Variants in KCNAB2 observed in about 807,000 individuals in gnomAD.
KCNAB2 encodes the protein potassium voltage-gated channel subfamily A regulatory beta subunit 2.
KCNAB2 carries 29 observed loss-of-function variants against 63.6 expected under a neutral mutation model. That is an observed-to-expected ratio of 0.46 (90% CI 0.34 to 0.62). The LOEUF is 0.62. KCNAB2 is among the 20% of genes least tolerant of loss of function. The probability of loss-of-function intolerance (pLI) is 0.01; values close to 1 mark genes in which losing one functional copy is unlikely to be tolerated. For synonymous variants in KCNAB2, 222 were observed against 224.2 expected, an observed-to-expected ratio of 0.99 and a Z score of 0.09; for missense variants, 359 against 563.9, an observed-to-expected ratio of 0.64 and a Z score of 3.68.
chr1:6,000,994 G>A (rs1290484002), intron 1 of KCNAB2, among the ~76,000 whole-genome samples: 1 of 152,218 alleles, frequency 6.6e-6, no homozygotes, highest in African/African-American at 2.4e-5. Flanking sequence ...CGTCAGGAAA[G>A]GGGGAAGCAC....
intron 4 of KCNAB2, 118 bp from the exon 5 acceptor site, chr1:6,082,077 C>T (rs1664256697): frequency 6.4e-6 from 5 of 785,602 alleles, no homozygotes; most frequent in African/African-American, 3.4e-5. Flanking sequence ...GGGAGCCTGT[C>T]GGGCCCGGGA....
intron 4 of KCNAB2, among the ~76,000 whole-genome samples, chr1:6,075,621 G>A (rs569455645): frequency 1.2e-4 from 18 of 152,332 alleles, no homozygotes; most frequent in Non-Finnish European, 2.2e-4. Context: ...GCCTGGCTGC[G>A]GTTCAGATGA....
chr1:6,046,876 A>G (rs1293383866), intron 1 of KCNAB2, among the ~76,000 whole-genome samples: 1 of 152,220 alleles, frequency 6.6e-6, no homozygotes, highest in African/African-American at 2.4e-5. Flanking sequence ...AGAACAATTC[A>G]GAAATTCCAG....
At chr1:6,037,692 A>C (rs1181760846) in intron 1 of KCNAB2, among the ~76,000 whole-genome samples, 3 of 152,080 alleles carry the variant, frequency 2.0e-5, no homozygotes, top group Admixed American at 2.0e-4. Flanking sequence ...CCTGCCTCTG[A>C]GTCATCTAAG....
intron 1 of KCNAB2, chr1:6,027,219 AGTGTGTGTGTGTGTGTGT>A (rs70981306): frequency 0.33 from 46,456 of 141,306 alleles, 7,911 homozygotes; most frequent in East Asian, 0.48. Context: ...TGGGGGACAC[AGTGTGTGTGTGTGTGTGT>A]GTGTGTGTGT....
intron 2 of KCNAB2, 131 bp from the exon 3 acceptor site, chr1:6,072,624 T>A: frequency 1.0e-6 from 1 of 959,938 alleles, no homozygotes; most frequent in South Asian, 1.5e-5. Flanking sequence ...AGGTCCCCGG[T>A]GCCTTTCGGA....
chr1:6,087,774 G>C lies in KCNAB2; in HGVS notation c.470+263G>C, dbSNP rs1664828676. 6.6e-6 allele frequency among the ~76,000 whole-genome samples: 1 copy of C among 152,230 alleles called. No individual in the cohort carries two copies. The highest frequency in any genetic ancestry group is 1.5e-5 in the Non-Finnish European group (1 of 68,044). On this transcript the variant is annotated intron_variant, in intron 7 of 15. Transcript: ENST00000378083. This position sits in a 1 kb window ranked among gnomAD's most constrained non-coding sequence, Gnocchi z 6.4. Reference sequence around the variant, plus strand: ...AAGGGACGTCAAATCCAGAAAAGAAGCTGTGGCCGAGTTTGCCTTTTACAA... The same window carrying C: ...AAGGGACGTCAAATCCAGAAAAGAACCTGTGGCCGAGTTTGCCTTTTACAA...
Position 6,071,810 on chromosome 1 carries a change from G to A in KCNAB2, c.219-945G>A, listed in dbSNP as rs994135102. On this transcript the variant is annotated intron_variant, in intron 2 of 15. Coordinates refer to ENST00000378083, the MANE Select transcript of KCNAB2 (RefSeq NM_001199862.2). This position sits in a 1 kb window ranked among gnomAD's most constrained non-coding sequence, Gnocchi z 8.5. ...CCTGCCACATAGGGCACCTCCTGCC[G>A]CGAGGGCACCTCCTGCCGCATAGGG... Among the ~76,000 whole-genome samples, 9 of 148,794 alleles carry A rather than the reference G, an allele frequency of 6.0e-5. No homozygotes were observed. The highest frequency in any genetic ancestry group is 6.0e-4 in the East Asian group (3 of 5,008).
chr1:6,055,882 G>C (rs1661780795), intron 2 of KCNAB2, among the ~76,000 whole-genome samples: 1 of 152,136 alleles, frequency 6.6e-6, no homozygotes, highest in African/African-American at 2.4e-5. Context: ...GACTGGGCTG[G>C]GTCACCATTA....
At chr1:6,072,880 G>A in intron 3 of KCNAB2, 82 bp downstream of exon 3, 1 of 1,407,430 alleles carries the variant, frequency 7.1e-7, no homozygotes, top group Non-Finnish European at 9.9e-7. Context: ...ACACCCCTTG[G>A]GAGGCAGGGT....
At chr1:6,095,915 C>T (rs1665593100) in intron 13 of KCNAB2, among the ~76,000 whole-genome samples, 1 of 140,184 alleles carries the variant, frequency 7.1e-6, no homozygotes, top group Non-Finnish European at 1.6e-5. Flanking sequence ...CTACCACATC[C>T]CCCACCTCTG....
In KCNAB2 at chr1:6,003,347, G is replaced by T. The variant is rs1246802607; in HGVS notation, c.-53+10559G>T. ...TCCTCCCCACCAGAGCAGGGTCATG[G>T]GGTCAGAGGCAGGGTCCGTGTGGTG... On this transcript the variant is annotated intron_variant, in intron 1 of 16. Coordinates refer to the KCNAB2 transcript ENST00000341524. This position sits in a 1 kb window ranked among gnomAD's most constrained non-coding sequence, Gnocchi z 4.1. Among the ~76,000 whole-genome samples, 2 of 152,152 alleles carry T rather than the reference G, an allele frequency of 1.3e-5. No individual in the cohort carries two copies. The highest frequency in any genetic ancestry group is 2.9e-5 in the Non-Finnish European group (2 of 68,016).
chr1:6,068,996 C>T (rs368285363), intron 2 of KCNAB2, among the ~76,000 whole-genome samples: 2 of 152,160 alleles, frequency 1.3e-5, no homozygotes, highest in African/African-American at 2.4e-5. Context: ...CACTTGGTCC[C>T]GAGAGTCTGA....
chr1:6,024,259 A>G lies in KCNAB2; in HGVS notation c.-52-16258A>G, dbSNP rs1042927196. On this transcript the variant is annotated intron_variant, in intron 1 of 16. Coordinates refer to the KCNAB2 transcript ENST00000341524. This position sits in a 1 kb window ranked among gnomAD's most constrained non-coding sequence, Gnocchi z 5.4. ...GCCCAGCTGCCAGGCTAATTTTTAA[A>G]TTTTTTGTTAGAGATTGGGTCTCAC... 1.3e-5 allele frequency among the ~76,000 whole-genome samples: 2 copies of G among 151,700 alleles called. No homozygotes were observed. The highest frequency in any genetic ancestry group is 4.8e-5 in the African/African-American group (2 of 41,262).
chr1:6,042,848 C>CCA (rs1553122360), upstream of KCNAB2, among the ~76,000 whole-genome samples: 2 of 106,898 alleles, frequency 1.9e-5, no homozygotes, highest in Admixed American at 9.4e-5. Flanking sequence ...TCCCCACCCC[C>CCA]CCCCCCGTTT....
intron 2 of KCNAB2, among the ~76,000 whole-genome samples, chr1:6,060,169 GAGA>G (rs1055443921): frequency 1.3e-5 from 2 of 152,198 alleles, no homozygotes; most frequent in African/African-American, 4.8e-5. Context: ...CTGCTCTCAG[GAGA>G]AGGACACTCC....
At chr1:6,084,625 G>C (rs374571003) in intron 5 of KCNAB2, among the ~76,000 whole-genome samples, 3 of 152,264 alleles carry the variant, frequency 2.0e-5, no homozygotes, top group South Asian at 4.2e-4. Context: ...AGACCAGCCT[G>C]GCCAACATAG....
intron 1 of KCNAB2, among the ~76,000 whole-genome samples, chr1:6,015,016 CTTTTTTTTTTT>C (rs34742623): frequency 7.2e-4 from 60 of 82,812 alleles, no homozygotes; most frequent in African/African-American, 2.3e-3. Context: ...GGTCACCTTC[CTTTTTTTTTTT>C]TTTTTTTTTT....
At chr1:6,079,320 G>C (rs1394326273) in intron 4 of KCNAB2, among the ~76,000 whole-genome samples, 1 of 152,186 alleles carries the variant, frequency 6.6e-6, no homozygotes, top group Non-Finnish European at 1.5e-5. Flanking sequence ...AGGAGTTCGA[G>C]ACCAGCCTGG....
Sources: allele counts gnomAD v4.1 joint callset (sites outside exome capture counted in the v4.1 genomes callset), GRCh38; gene constraint gnomAD v4.1.1; non-coding constraint Gnocchi (gnomAD v3.1); transcripts MANE v1.5; gene names NCBI Gene and HGNC (gene_info 2026-07-23, HGNC 2026-07-21).